The following SOBP variants were observed in gnomAD, a reference collection of about 807,000 sequenced individuals.
SOBP encodes sine oculis binding protein homolog.
A neutral mutation model predicts 53.6 loss-of-function variants in SOBP; 4 were observed. That is an observed-to-expected ratio of 0.07 (90% CI 0.04 to 0.17). The LOEUF (loss-of-function observed/expected upper bound fraction) is 0.17, where lower values mean the gene tolerates loss of function less well. Ranked by LOEUF, SOBP falls within the 10% of genes least tolerant of loss-of-function variation. The probability of loss-of-function intolerance (pLI) is 1.00; values close to 1 mark genes in which losing one functional copy is unlikely to be tolerated. For missense variants in SOBP, 1,088 were observed against 1,204.7 expected (o/e 0.90, Z 1.43); for synonymous variants, 584 against 522.6 (o/e 1.12, Z -1.60).
intron 4 of SOBP, among the ~76,000 whole-genome samples, chr6:107,542,749 G>GT (rs1163681730): frequency 1.3e-5 from 2 of 151,542 alleles, no homozygotes; most frequent in African/African-American, 2.4e-5. Context: ...GTGTGGTTTT[G>GT]TTTTTTTGTG....
intron 6 of SOBP, among the ~76,000 whole-genome samples, chr6:107,649,163 CAAAA>C (rs61034738): frequency 3.0e-3 from 122 of 40,404 alleles, no homozygotes; most frequent in African/African-American, 0.01. Flanking sequence ...CCCCCACTAC[CAAAA>C]AAAAAAAAAA....
chr6:107,563,448 C>A (rs1242369193), intron 4 of SOBP, among the ~76,000 whole-genome samples: 1 of 151,960 alleles, frequency 6.6e-6, no homozygotes, highest in African/African-American at 2.4e-5. Context: ...TGTAATTATT[C>A]TGAGAATTCT....
chr6:107,640,146 G>C (rs527399726), intron 6 of SOBP, among the ~76,000 whole-genome samples: 3 of 152,180 alleles, frequency 2.0e-5, no homozygotes, highest in African/African-American at 7.2e-5. Context: ...AGCCAAAAGG[G>C]TGGAGGTCCC....
chr6:107,627,342 A>G (rs537825946), intron 5 of SOBP, among the ~76,000 whole-genome samples: 2 of 152,302 alleles, frequency 1.3e-5, no homozygotes, highest in African/African-American at 4.8e-5. Context: ...GTTAAAGCTC[A>G]TTGAGATCCT....
intron 2 of SOBP, among the ~76,000 whole-genome samples, chr6:107,505,612 T>C (rs1007478462): frequency 9.9e-5 from 15 of 151,532 alleles, no homozygotes; most frequent in African/African-American, 3.6e-4. Context: ...TCTGAGCCAC[T>C]GCGCCTAGTC....
intron 4 of SOBP, among the ~76,000 whole-genome samples, chr6:107,586,195 T>C (rs1785560782): frequency 6.6e-6 from 1 of 152,196 alleles, no homozygotes; most frequent in South Asian, 2.1e-4. Flanking sequence ...GCAAGCCATA[T>C]GTGAGGGAGA....
At chr6:107,616,152 C>T (rs1786786905) in intron 5 of SOBP, among the ~76,000 whole-genome samples, 1 of 151,354 alleles carries the variant, frequency 6.6e-6, no homozygotes, top group Non-Finnish European at 1.5e-5. Context: ...TTTTCTTTCC[C>T]TCTGGAGCCT....
chr6:107,636,980 A>AT (rs1326568500), intron 6 of SOBP, among the ~76,000 whole-genome samples: 2 of 152,012 alleles, frequency 1.3e-5, no homozygotes, highest in Admixed American at 1.3e-4. Context: ...CCAGAGCTGC[A>AT]TTTTTTAAAA....
At chr6:107,655,724 TC>T in intron 6 of SOBP, among the ~76,000 whole-genome samples, 1 of 152,228 alleles carries the variant, frequency 6.6e-6, no homozygotes, top group African/African-American at 2.4e-5. Context: ...TAGTTAAGGT[TC>T]CAGAATGGCT....
intron 3 of SOBP, among the ~76,000 whole-genome samples, chr6:107,517,424 G>C (rs1396255600): frequency 2.0e-5 from 3 of 152,144 alleles, no homozygotes; most frequent in Non-Finnish European, 4.4e-5. Context: ...GGGAGAGAGA[G>C]AGAGAGCAGG....
intron 5 of SOBP, among the ~76,000 whole-genome samples, chr6:107,602,968 C>G (rs953786427): frequency 8.1e-6 from 1 of 122,984 alleles, no homozygotes; most frequent in Non-Finnish European, 1.6e-5. Flanking sequence ...TCCCCCGTCC[C>G]CCACAAAAAA....
At position 107,634,651 on chromosome 6, in the gene SOBP, G is replaced by C; in HGVS notation, c.1807G>C (p.Gly603Arg). The change falls in exon 6 of 7, where the codon GGC becomes CGC. Residue 603 changes from glycine to arginine, a missense_variant. Gly to Arg is a moderately radical substitution (Grantham distance 125). Transcript: ENST00000317357. This position sits in a 1 kb window ranked among gnomAD's most constrained non-coding sequence, Gnocchi z 4.5. ...CGCGGACTCGCCCCCCGGCTGCTCG[G>C]GCCAGGCCCTGAGCCTGGCGCCCAC... ...KSADSPPGCS[G>R]QALSLAPTPA... 6.4e-7 allele frequency: 1 copy of C among 1,565,420 alleles called. No homozygotes were observed. The highest frequency in any genetic ancestry group is 8.6e-7 in the Non-Finnish European group (1 of 1,161,900).
At chr6:107,554,552 G>T (rs1784552732) in intron 4 of SOBP, among the ~76,000 whole-genome samples, 1 of 152,178 alleles carries the variant, frequency 6.6e-6, no homozygotes. Context: ...CTAGATGAAG[G>T]CAATTTAGCT....
intron 3 of SOBP, among the ~76,000 whole-genome samples, chr6:107,515,621 T>A (rs191401933): frequency 6.6e-6 from 1 of 152,208 alleles, no homozygotes; most frequent in Non-Finnish European, 1.5e-5. Context: ...TGGTGGCACA[T>A]GCCTGTAGTC....
chr6:107,578,793 G>A (rs1168389602), intron 4 of SOBP, among the ~76,000 whole-genome samples: 2 of 152,052 alleles, frequency 1.3e-5, no homozygotes, highest in Non-Finnish European at 2.9e-5. Flanking sequence ...ATTTGAGGCC[G>A]GGTTATTTCT....
intron 4 of SOBP, among the ~76,000 whole-genome samples, chr6:107,567,146 T>A (rs1037331675): frequency 3.9e-5 from 6 of 152,210 alleles, no homozygotes; most frequent in Admixed American, 2.0e-4. Flanking sequence ...TTCCTGCATT[T>A]CTTATTTATA....
intron 3 of SOBP, chr6:107,509,994 G>A (rs1783121291): frequency 6.6e-6 from 1 of 152,200 alleles, no homozygotes; most frequent in African/African-American, 2.4e-5. Context: ...CTTTTAAGGA[G>A]CTTATTCTCT....
At chr6:107,637,977 C>T (rs1562120602) in intron 6 of SOBP, among the ~76,000 whole-genome samples, 4 of 152,138 alleles carry the variant, frequency 2.6e-5, no homozygotes. Context: ...GATGGGTCCC[C>T]CAAGAAATTA....
rs1300019467 is a variant in SOBP at position 107,634,108 on chromosome 6, C to A, written c.1264C>A (p.Pro422Thr). 1.2e-6 allele frequency: 2 copies of A among 1,603,098 alleles called. No homozygotes were observed. Among genetic ancestry groups the A allele is most frequent in the Non-Finnish European group, 1.7e-6 (2 of 1,174,738 alleles). The change falls in exon 6 of 7, where the codon CCC becomes ACC. Residue 422 changes from proline (P) to threonine (T), a missense_variant. Coordinates refer to ENST00000317357, the MANE Select transcript of SOBP (RefSeq NM_018013.4). The surrounding 1 kb of genome is among the most constrained non-coding windows in gnomAD (Gnocchi z 4.5). ...IRGPPHHASN[P>T]NSPLSNPMLP... is the part of the protein sequence containing the mutation. ...CGGGCCTCCGCACCATGCCTCCAAC[C>A]CCAACAGCCCCCTGTCCAACCCCAT...
Sources: allele counts gnomAD v4.1 joint callset (sites outside exome capture counted in the v4.1 genomes callset), GRCh38; gene constraint gnomAD v4.1.1; non-coding constraint Gnocchi (gnomAD v3.1); transcripts MANE v1.5; gene names NCBI Gene and HGNC (gene_info 2026-07-23, HGNC 2026-07-21).